Variants in EML6 observed in about 807,000 individuals in gnomAD.
The protein encoded by EML6 is echinoderm microtubule-associated protein-like 6.
In EML6, 154 loss-of-function variants were observed where a neutral mutation model predicts 240.1. The observed-to-expected ratio is 0.64, with a 90% CI of 0.56 to 0.73. The LOEUF (loss-of-function observed/expected upper bound fraction) is 0.73. Among genes scored for constraint, EML6 ranks in the 30% least tolerant of loss-of-function variants. EML6 has a pLI of 0.00. For missense variants in EML6, 2,964 were observed against 2,474.6 expected (o/e 1.20, Z -4.20); for synonymous variants, 1,148 against 899.0 (o/e 1.28, Z -4.95).
chr2:54,848,625 C>T (rs1040377158), intron 9 of EML6, among the ~76,000 whole-genome samples: 5 of 151,460 alleles, frequency 3.3e-5, no homozygotes, highest in Non-Finnish European at 5.9e-5. Flanking sequence ...CAGGTATGAG[C>T]GACTGTTATG....
At chr2:54,860,270 G>A (rs1018753758) in intron 12 of EML6, among the ~76,000 whole-genome samples, 1 of 152,148 alleles carries the variant, frequency 6.6e-6, no homozygotes. Context: ...CCAACTCTGG[G>A]AGTAGAGGGA....
In EML6 at chr2:54,811,554, A is replaced by G. The variant is rs1667846999; in HGVS notation, c.198-1678A>G. On this transcript the variant is annotated intron_variant, in intron 2 of 41. Transcript: ENST00000356458. ...TTTCTTTACATGTCTCTTTCCTCTG[A>G]AAGTGGGCTCCTTCAAAGATAGCAG... Among the ~76,000 whole-genome samples the G allele has an allele frequency of 2.0e-5, 3 of 151,924 alleles. No homozygotes were observed. The South Asian group carries it at 6.2e-4, about 32-fold the overall frequency.
chr2:54,905,391 C>T (rs959617177), intron 24 of EML6, among the ~76,000 whole-genome samples: 3 of 145,282 alleles, frequency 2.1e-5, no homozygotes, highest in African/African-American at 7.7e-5. Flanking sequence ...ATACCTGATA[C>T]AATACGTGAA....
At chr2:54,863,660 A>C in intron 12 of EML6, 123 bp from the exon 13 acceptor site, 1 of 656,276 alleles carries the variant, frequency 1.5e-6, no homozygotes, top group Non-Finnish European at 2.7e-6. Context: ...ATTTATATTA[A>C]ATGAAAACTA....
intron 7 of EML6, among the ~76,000 whole-genome samples, 157 bp downstream of exon 7, chr2:54,829,634 T>G (rs1225021011): frequency 6.6e-6 from 1 of 152,222 alleles, no homozygotes; most frequent in Non-Finnish European, 1.5e-5. Flanking sequence ...TGGATGTCCT[T>G]TTTCCTAATT....
At position 54,968,183 on chromosome 2, in the gene EML6, G is replaced by A. The variant is rs1383705282; in HGVS notation, c.5653G>A (p.Val1885Ile). Reference protein sequence around the residue: ...IWPRNADKADVNCACVTHAGL... With the variant: ...IWPRNADKADINCACVTHAGL... ...GCCACGAAATGCAGACAAGGCTGAT[G>A]TCAACTGCGCATGTGTGACCCACGC... The change falls in exon 40 of 42, where the codon GTC becomes ATC. Residue 1885 changes from valine (V) to isoleucine (I), a missense_variant. Transcript: ENST00000356458. 5 of 1,551,712 alleles carry A rather than the reference G, an allele frequency of 3.2e-6. No homozygotes were observed. The highest frequency in any genetic ancestry group is 4.4e-6 in the Non-Finnish European group (5 of 1,146,990).
chr2:54,803,079 C>T (rs1056561165), intron 2 of EML6, among the ~76,000 whole-genome samples: 1 of 152,060 alleles, frequency 6.6e-6, no homozygotes, highest in African/African-American at 2.4e-5. Flanking sequence ...ACATATGATC[C>T]TCATTGAAAG....
chr2:54,887,356 G>T (rs184540876), intron 17 of EML6, among the ~76,000 whole-genome samples: 14 of 152,196 alleles, frequency 9.2e-5, no homozygotes, highest in African/African-American at 3.4e-4. Flanking sequence ...ATTTTCCCTC[G>T]TGAACCATTT....
intron 2 of EML6, among the ~76,000 whole-genome samples, chr2:54,765,715 C>T (rs2103779470): frequency 6.6e-6 from 1 of 152,312 alleles, no homozygotes; most frequent in Non-Finnish European, 1.5e-5. Context: ...CAGTCTCGGC[C>T]TCCCAAAGTG....
At chr2:54,951,976 G>A (rs1043021095) in intron 30 of EML6, among the ~76,000 whole-genome samples, 13 of 152,202 alleles carry the variant, frequency 8.5e-5, no homozygotes, top group Admixed American at 3.9e-4. Context: ...TATTATGGAA[G>A]TCAGCAAACC....
intron 2 of EML6, among the ~76,000 whole-genome samples, chr2:54,795,760 C>G (rs536028158): frequency 2.0e-5 from 3 of 152,100 alleles, no homozygotes; most frequent in Non-Finnish European, 4.4e-5. Flanking sequence ...TGATTTCCCC[C>G]GAATTCAATA....
chr2:54,800,081 C>G (rs1187470275), intron 2 of EML6, among the ~76,000 whole-genome samples: 2 of 151,954 alleles, frequency 1.3e-5, no homozygotes, highest in Non-Finnish European at 2.9e-5. Context: ...CCCGTCTCTA[C>G]TAAAATTACA....
At chr2:54,832,657 G>A (rs1174107353) in intron 7 of EML6, among the ~76,000 whole-genome samples, 1 of 152,186 alleles carries the variant, frequency 6.6e-6, no homozygotes, top group Non-Finnish European at 1.5e-5. Flanking sequence ...AAAGAGCTGA[G>A]CAAATAAAAG....
intron 32 of EML6, among the ~76,000 whole-genome samples, chr2:54,956,493 T>A (rs1676239098): frequency 1.3e-5 from 2 of 152,348 alleles, no homozygotes; most frequent in Admixed American, 1.3e-4. Context: ...TCTTCCCGTA[T>A]GTTGTGTTAC....
rs1036204375 is a variant in EML6, at chr2:54,829,483, A to T, written c.847+6A>T. The T allele has an allele frequency of 9.0e-6, 14 of 1,548,792 alleles. No homozygotes were observed. Among genetic ancestry groups the T allele is most frequent in the African/African-American group, 1.4e-5 (1 of 72,992 alleles). ...GACAGAACAAGGATACAAAGGTAATATATGTGTTAAGCTTACCTGTAACTC... is the reference window on the plus strand; with the variant it reads ...GACAGAACAAGGATACAAAGGTAATTTATGTGTTAAGCTTACCTGTAACTC... On this transcript the variant is annotated splice_donor_region_variant and intron_variant, in intron 7 of 41. Coordinates refer to ENST00000356458, the MANE Select transcript of EML6 (RefSeq NM_001039753.4).
intron 12 of EML6, among the ~76,000 whole-genome samples, chr2:54,862,332 C>A (rs1670718203): frequency 1.8e-5 from 2 of 108,692 alleles, no homozygotes; most frequent in Non-Finnish European, 3.5e-5. Context: ...AACATGACTC[C>A]ATCTCTAAAA....
chr2:54,789,513 C>CAAA (rs576842183), intron 2 of EML6, among the ~76,000 whole-genome samples: 1,189 of 77,704 alleles, frequency 0.015, 184 homozygotes, highest in Non-Finnish European at 0.021. Context: ...GACTTCGTCT[C>CAAA]AAAAAAAAAA....
chr2:54,825,496 C>G (rs1049043379), intron 5 of EML6, among the ~76,000 whole-genome samples: 1 of 152,150 alleles, frequency 6.6e-6, no homozygotes, highest in Non-Finnish European at 1.5e-5. Context: ...CTCCTGGGCT[C>G]AAGTGATCTC....
intron 35 of EML6, among the ~76,000 whole-genome samples, chr2:54,961,203 T>TTTTTTTTTTTTTTTTTTTTTTTTTTTTG (rs1558729687): frequency 7.1e-6 from 1 of 141,264 alleles, no homozygotes; most frequent in African/African-American, 2.7e-5. Context: ...TTTTTTTTTT[T>TTTTTTTTTTTTTTTTTTTTTTTTTTTTG]GAGACGGAGT....
Sources: gnomAD v4.1 joint callset for allele counts (sites outside exome capture counted in the v4.1 genomes callset) on GRCh38, gnomAD v4.1.1 for gene constraint, MANE v1.5 for transcripts, NCBI Gene and HGNC (gene_info 2026-07-23, HGNC 2026-07-21) for gene names.